EBF2: variants seen among roughly 807,000 people sequenced by gnomAD.
EBF2 encodes the protein EBF transcription factor 2.
Under a neutral mutation model 72.8 loss-of-function variants are expected in EBF2, and 21 were observed. That is an observed-to-expected ratio of 0.29 (90% confidence interval 0.20 to 0.42). EBF2 has a LOEUF of 0.42. Ranked by LOEUF, EBF2 falls within the 10% of genes least tolerant of loss-of-function variation. The probability of loss-of-function intolerance (pLI) is 1.00; values close to 1 mark genes in which losing one functional copy is unlikely to be tolerated. For synonymous variants in EBF2, 299 were observed against 274.2 expected, an observed-to-expected ratio of 1.09 and a Z score of -0.89; for missense variants, 637 against 731.2, an observed-to-expected ratio of 0.87 and a Z score of 1.49.
chr8:25,983,496 C>G (rs566949111), intron 6 of EBF2, among the ~76,000 whole-genome samples: 4 of 152,236 alleles, frequency 2.6e-5, no homozygotes, highest in Non-Finnish European at 5.9e-5. Context: ...AGGCTCAGCG[C>G]TGCCTCCAAT....
chr8:25,996,439 A>T (rs951520195), intron 6 of EBF2, among the ~76,000 whole-genome samples: 12 of 152,182 alleles, frequency 7.9e-5, no homozygotes, highest in African/African-American at 2.9e-4. Context: ...TTAAATTTTA[A>T]CAAATTAACA....
At chr8:26,005,959 G>A (rs1804874938) in intron 6 of EBF2, among the ~76,000 whole-genome samples, 1 of 152,134 alleles carries the variant, frequency 6.6e-6, no homozygotes, top group African/African-American at 2.4e-5. Context: ...GGGCCTCCAT[G>A]CAGCATGTCT....
chr8:25,877,040 T>C (rs1266722191), intron 10 of EBF2, among the ~76,000 whole-genome samples: 1 of 152,224 alleles, frequency 6.6e-6, no homozygotes, highest in Admixed American at 6.5e-5. Flanking sequence ...ACAGGAACAA[T>C]AGTGAAAAGC....
intron 1 of EBF2, among the ~76,000 whole-genome samples, chr8:26,043,279 C>T (rs1485709904): frequency 1.3e-5 from 2 of 152,248 alleles, no homozygotes; most frequent in Non-Finnish European, 2.9e-5. Flanking sequence ...GCTGGGGTCT[C>T]CCAGGTTGAA....
At chr8:26,009,827 TCA>T (rs1804947531) in intron 6 of EBF2, among the ~76,000 whole-genome samples, 1 of 152,164 alleles carries the variant, frequency 6.6e-6, no homozygotes, top group African/African-American at 2.4e-5. Flanking sequence ...TTCATGAATC[TCA>T]CATAAATATC....
chr8:25,915,800 G>GATAATGGACC (rs1185173393), intron 6 of EBF2, among the ~76,000 whole-genome samples: 6 of 152,094 alleles, frequency 3.9e-5, no homozygotes, highest in African/African-American at 1.4e-4. Flanking sequence ...AAGGGACAGA[G>GATAATGGACC]CAGGATCTCC....
At chr8:25,962,073 G>T (rs1804043722) in intron 6 of EBF2, among the ~76,000 whole-genome samples, 1 of 152,062 alleles carries the variant, frequency 6.6e-6, no homozygotes, top group Non-Finnish European at 1.5e-5. Context: ...ACAAGGAGGG[G>T]GCCAGGGAGG....
At chr8:25,938,642 GT>G (rs1250881702) in intron 6 of EBF2, among the ~76,000 whole-genome samples, 9 of 152,066 alleles carry the variant, frequency 5.9e-5, no homozygotes, top group Non-Finnish European at 1.2e-4. Flanking sequence ...AGGGACCACT[GT>G]TTTTAGGGTG....
chr8:25,907,255 C>G (rs1207055529), intron 7 of EBF2, among the ~76,000 whole-genome samples: 1 of 150,842 alleles, frequency 6.6e-6, no homozygotes, highest in East Asian at 2.0e-4. Flanking sequence ...CCCATCTCTA[C>G]CAAAAAATAC....
chr8:25,882,400 C>G (rs895145341), intron 10 of EBF2, among the ~76,000 whole-genome samples: 1 of 152,142 alleles, frequency 6.6e-6, no homozygotes, highest in East Asian at 1.9e-4. Flanking sequence ...CACTCTCTAT[C>G]CCAGGTGCTT....
chr8:25,986,128 T>TATATGCTGG (rs1804452703), intron 6 of EBF2, among the ~76,000 whole-genome samples: 2 of 151,966 alleles, frequency 1.3e-5, no homozygotes, highest in Admixed American at 1.3e-4. Flanking sequence ...GAGCAACTAT[T>TATATGCTGG]ATATGCTGGG....
intron 6 of EBF2, among the ~76,000 whole-genome samples, chr8:25,926,064 T>G (rs1459874777): frequency 6.6e-6 from 1 of 152,162 alleles, no homozygotes; most frequent in African/African-American, 2.4e-5. Flanking sequence ...TAAAGAGTCT[T>G]GCCTCAAACA....
chr8:25,850,469 T>A (rs551360234), intron 15 of EBF2, 125 bp downstream of exon 15: 10 of 1,203,546 alleles, frequency 8.3e-6, no homozygotes, highest in Non-Finnish European at 1.0e-5. Flanking sequence ...TCATGTCCCA[T>A]GATAAGAACA....
chr8:26,002,497 C>T (rs1013244679), intron 6 of EBF2, among the ~76,000 whole-genome samples: 4 of 152,192 alleles, frequency 2.6e-5, no homozygotes, highest in African/African-American at 7.2e-5. Flanking sequence ...GCCAGTTCTT[C>T]GGCAAGGGCC....
At chr8:26,022,495 C>T (rs1010301689) in intron 6 of EBF2, among the ~76,000 whole-genome samples, 3 of 152,194 alleles carry the variant, frequency 2.0e-5, no homozygotes, top group Admixed American at 1.3e-4. Flanking sequence ...GCCCTCATCT[C>T]ACTGCCATCT....
intron 10 of EBF2, among the ~76,000 whole-genome samples, chr8:25,863,509 T>G (rs563222410): frequency 6.6e-6 from 1 of 152,216 alleles, no homozygotes; most frequent in Non-Finnish European, 1.5e-5. Context: ...AAGAGTTTTC[T>G]GCATGCTGCT....
chr8:25,933,279 A>C (rs1173620223), intron 6 of EBF2, among the ~76,000 whole-genome samples: 3 of 152,302 alleles, frequency 2.0e-5, no homozygotes, highest in Admixed American at 6.5e-5. Context: ...ATCAGCGCTG[A>C]GCTGTTGATG....
At chr8:25,913,651 A>G (rs576016473) in intron 6 of EBF2, among the ~76,000 whole-genome samples, 7 of 152,198 alleles carry the variant, frequency 4.6e-5, no homozygotes, top group Admixed American at 1.3e-4. Flanking sequence ...TATACATCAC[A>G]GGGATGAGAA....
At chr8:26,038,265 G>A (rs1805537309) in intron 5 of EBF2, among the ~76,000 whole-genome samples, 2 of 152,092 alleles carry the variant, frequency 1.3e-5, no homozygotes, top group Admixed American at 1.3e-4. Context: ...ATTGTAGTTT[G>A]GGAAGAAAAC....
Sources: gnomAD v4.1 joint callset for allele counts (sites outside exome capture counted in the v4.1 genomes callset) on GRCh38, gnomAD v4.1.1 for gene constraint, MANE v1.5 for transcripts, NCBI Gene and HGNC (gene_info 2026-07-23, HGNC 2026-07-21) for gene names.